Variants in SAMD12 observed in about 807,000 individuals in gnomAD.
SAMD12 encodes sterile alpha motif domain-containing protein 12.
SAMD12 carries 9 observed loss-of-function variants against 15.0 expected under a neutral mutation model. The observed-to-expected ratio is 0.60, with a 90% confidence interval of 0.36 to 1.05. The LOEUF is 1.05. SAMD12 is among the 50% of genes least tolerant of loss of function. SAMD12 has a pLI of 0.01. For missense variants in SAMD12, 230 were observed against 234.2 expected (o/e 0.98, Z 0.12); for synonymous variants, 86 against 90.1 (o/e 0.96, Z 0.25).
chr8:118,465,256 G>T (rs1823559839), intron 2 of SAMD12, among the ~76,000 whole-genome samples: 1 of 152,214 alleles, frequency 6.6e-6, no homozygotes, highest in Non-Finnish European at 1.5e-5. Flanking sequence ...GAACTGGGAA[G>T]TACCTTCAGA....
At chr8:118,477,752 C>T (rs1313799628) in intron 2 of SAMD12, among the ~76,000 whole-genome samples, 8 of 152,126 alleles carry the variant, frequency 5.3e-5, no homozygotes, top group South Asian at 2.1e-4. Flanking sequence ...CGGTGGCTCA[C>T]GCCTGTAATC....
intron 2 of SAMD12, among the ~76,000 whole-genome samples, chr8:118,470,490 C>T (rs1009981768): frequency 3.9e-5 from 6 of 152,132 alleles, no homozygotes; most frequent in African/African-American, 1.4e-4. Flanking sequence ...TCAACACTGA[C>T]CCGAATGACT....
chr8:118,428,036 G>A (rs146370102), intron 3 of SAMD12, among the ~76,000 whole-genome samples: 73 of 152,224 alleles, frequency 4.8e-4, no homozygotes, highest in Middle Eastern at 3.4e-3. Flanking sequence ...TAATATTTCT[G>A]AGCATACTCT....
intron 2 of SAMD12, among the ~76,000 whole-genome samples, chr8:118,450,791 G>T (rs1823057061): frequency 6.6e-6 from 1 of 152,164 alleles, no homozygotes; most frequent in African/African-American, 2.4e-5. Context: ...TTGACTAAAA[G>T]AATGTGGCAG....
chr8:118,206,925 G>T (rs1459165969), intron 4 of SAMD12, among the ~76,000 whole-genome samples: 1 of 152,172 alleles, frequency 6.6e-6, no homozygotes, highest in African/African-American at 2.4e-5. Flanking sequence ...GTTGTGTGTG[G>T]TAGAATGTCG....
rs919744203 is a variant in SAMD12, at chr8:118,426,099, A to C, written c.322+13733T>G. ...ATTTCACAGCAATGGGATACAGTCT[A>C]TCTCTCTTGGCACAGTGTTTGGCTC... On this transcript the variant is annotated intron_variant, in intron 3 of 3. Transcript: ENST00000314727. Among the ~76,000 whole-genome samples the C allele has an allele frequency of 4.6e-5, 7 of 152,222 alleles. No homozygotes were observed. The East Asian group carries it at 9.6e-4, about 21-fold the overall frequency.
intron 4 of SAMD12, among the ~76,000 whole-genome samples, chr8:118,220,775 A>G (rs576669976): frequency 6.6e-6 from 1 of 152,320 alleles, no homozygotes; most frequent in Non-Finnish European, 1.5e-5. Context: ...AAAAACAAAA[A>G]CAAAAATAAA....
chr8:118,191,570 G>T (rs1325012920), exon 5 of SAMD12: 1 of 150,978 alleles, frequency 6.6e-6, no homozygotes, highest in South Asian at 2.1e-4. Context: ...AAAAAGAACT[G>T]GGTCAGGCAC....
At chr8:118,209,476 A>C (rs542159651) in intron 4 of SAMD12, among the ~76,000 whole-genome samples, 1 of 152,332 alleles carries the variant, frequency 6.6e-6, no homozygotes, top group African/African-American at 2.4e-5. Flanking sequence ...AGAGCCTCAA[A>C]GCACGTTGCT....
rs1165145142 is a variant in SAMD12 at position 118,548,422 on chromosome 8, CA to C, written c.192+32292del. On this transcript the variant is annotated intron_variant, in intron 2 of 3. Coordinates refer to ENST00000314727, the MANE Select transcript of SAMD12 (RefSeq NM_207506.3). The stretch of plus-strand genomic sequence containing the variant: ...ACACACACACACACACACACACACA[CA>C]CCCCATGTGATGGGTAACTTAATGT... 3.2e-3 allele frequency among the ~76,000 whole-genome samples: 416 copies of C among 131,412 alleles called. 2 individuals are homozygous for C. Among genetic ancestry groups the C allele is most frequent in the African/African-American group, 0.011 (391 of 36,544 alleles). The allele number at this position is 131,412 out of a possible 152,430, so 86.2% of individuals were successfully genotyped here.
chr8:118,561,269 A>G (rs187162345), intron 2 of SAMD12, among the ~76,000 whole-genome samples: 14 of 152,340 alleles, frequency 9.2e-5, no homozygotes, highest in Admixed American at 8.5e-4. Flanking sequence ...TTTGGTGAAA[A>G]CAAATTTTTA....
chr8:118,323,022 T>A (rs373075407), intron 4 of SAMD12, among the ~76,000 whole-genome samples: 1 of 152,298 alleles, frequency 6.6e-6, no homozygotes, highest in African/African-American at 2.4e-5. Flanking sequence ...ACAAGTGATG[T>A]CTGTAACCTG....
chr8:118,587,904 A>G (rs557277674), intron 1 of SAMD12, among the ~76,000 whole-genome samples: 1 of 152,338 alleles, frequency 6.6e-6, no homozygotes, highest in South Asian at 2.1e-4. Context: ...AGGATTGTTT[A>G]GCCCTTCTTT....
chr8:118,166,357 A>T, the SAMD12 span, among the ~76,000 whole-genome samples: 1 of 152,208 alleles, frequency 6.6e-6, no homozygotes, highest in Non-Finnish European at 1.5e-5. Context: ...TTATACTTAC[A>T]GTACCTTTAT....
At chr8:118,239,289 G>A (rs1232907609) in intron 4 of SAMD12, among the ~76,000 whole-genome samples, 2 of 152,084 alleles carry the variant, frequency 1.3e-5, no homozygotes, top group African/African-American at 2.4e-5. Context: ...TAGGAATATA[G>A]TAGTAAATAG....
At chr8:118,401,863 A>G (rs973637408) in intron 3 of SAMD12, among the ~76,000 whole-genome samples, 4 of 152,126 alleles carry the variant, frequency 2.6e-5, no homozygotes, top group African/African-American at 9.7e-5. Context: ...TAACCTTGAG[A>G]TTTTATTTTC....
At chr8:118,268,794 A>G (rs778314369) in intron 4 of SAMD12, among the ~76,000 whole-genome samples, 1 of 152,222 alleles carries the variant, frequency 6.6e-6, no homozygotes, top group Non-Finnish European at 1.5e-5. Flanking sequence ...AGCCTAAGCA[A>G]CAAAGCCAGA....
chr8:118,414,030 C>T (rs905019681), intron 3 of SAMD12, among the ~76,000 whole-genome samples: 8 of 152,046 alleles, frequency 5.3e-5, no homozygotes, highest in African/African-American at 7.2e-5. Flanking sequence ...CTTGACTATC[C>T]GCCAAATGAC....
chr8:118,155,409 A>T, the SAMD12 span, among the ~76,000 whole-genome samples: 1 of 152,202 alleles, frequency 6.6e-6, no homozygotes, highest in Non-Finnish European at 1.5e-5. Context: ...CAGTATCTTA[A>T]AAGTTCTGTA....
Sources: gnomAD v4.1 joint callset for allele counts (sites outside exome capture counted in the v4.1 genomes callset) on GRCh38, gnomAD v4.1.1 for gene constraint, MANE v1.5 for transcripts, NCBI Gene and HGNC (gene_info 2026-07-23, HGNC 2026-07-21) for gene names.